The following C3orf49 variants were observed in gnomAD, a reference collection of about 807,000 sequenced individuals.
C3orf49 encodes chromosome 3 open reading frame 49.
C3orf49 carries 27 observed loss-of-function variants against 13.3 expected under a neutral mutation model. That is an observed-to-expected ratio of 2.02 (90% CI 1.49 to 2.79). The LOEUF is 2.79. Ranked by LOEUF, C3orf49 falls within the 30% of genes most tolerant of loss-of-function variation. The probability of loss-of-function intolerance (pLI) is 0.00; values close to 1 mark genes in which losing one functional copy is unlikely to be tolerated. For synonymous variants in C3orf49, 87 were observed against 47.6 expected (o/e 1.83, Z -3.40); for missense variants, 242 against 134.2 (o/e 1.80, Z -3.97).
At chr3:63,789,465 T>C in the C3orf49 span, among the ~76,000 whole-genome samples, 4 of 152,134 alleles carry the variant, frequency 2.6e-5, no homozygotes, top group East Asian at 3.9e-4. Flanking sequence ...GAATCTTCAT[T>C]TTGGGACTAT....
chr3:63,793,239 C>A, the C3orf49 span, among the ~76,000 whole-genome samples: 1 of 152,184 alleles, frequency 6.6e-6, no homozygotes, highest in African/African-American at 2.4e-5. Flanking sequence ...AGACTATTCA[C>A]CTCCTGCCAC....
chr3:63,812,160 A>G, the C3orf49 span, among the ~76,000 whole-genome samples: 73 of 152,292 alleles, frequency 4.8e-4, 1 homozygote, highest in East Asian at 0.011. Flanking sequence ...ATCTTCTGAT[A>G]TTCAAAATAT....
At chr3:63,847,809 TA>T (rs1450530228) in intron 6 of C3orf49, among the ~76,000 whole-genome samples, 1 of 152,190 alleles carries the variant, frequency 6.6e-6, no homozygotes, top group Non-Finnish European at 1.5e-5. Context: ...TCCAAAAGTT[TA>T]ATGAAGAAAC....
intron 5 of C3orf49, chr3:63,832,063 G>C (rs537535340): frequency 2.3e-6 from 1 of 437,138 alleles, no homozygotes. Flanking sequence ...GAGTGGTGGC[G>C]GGCGCCTCTA....
chr3:63,820,667 T>C (rs1479390772), intron 1 of C3orf49, among the ~76,000 whole-genome samples: 3 of 152,194 alleles, frequency 2.0e-5, no homozygotes, highest in Non-Finnish European at 4.4e-5. Flanking sequence ...GTAGAATCAC[T>C]TAAAAATTAA....
At position 63,819,541 on chromosome 3, in the gene C3orf49, A is replaced by C; in HGVS notation, c.70A>C (p.Arg24=). 1.4e-6 allele frequency: 1 copy of C among 703,400 alleles called. No homozygotes were observed. The allele number at this position is 703,400 out of a possible 1,614,324, so 43.6% of individuals were successfully genotyped here. ...CTACAGAAAAGTTGGACAGTGCCGAAGATTCCAGCAACTCAAGAAGAAAAA... is the reference window on the plus strand; with the variant it reads ...CTACAGAAAAGTTGGACAGTGCCGACGATTCCAGCAACTCAAGAAGAAAAA... ...IAYRKVGQCR[R]FQQLKKKNGS... The change falls in exon 1 of 7, where the codon AGA becomes CGA. Residue 24 remains arginine, a synonymous_variant. Transcript: ENST00000295896.
intron 3 of C3orf49, among the ~76,000 whole-genome samples, chr3:63,827,959 T>G (rs928971969): frequency 6.6e-6 from 1 of 152,098 alleles, no homozygotes; most frequent in Non-Finnish European, 1.5e-5. Context: ...GAGTTTGGAT[T>G]TTTATAACTG....
the C3orf49 span, among the ~76,000 whole-genome samples, chr3:63,788,627 C>T: frequency 6.6e-6 from 1 of 151,798 alleles, no homozygotes; most frequent in Non-Finnish European, 1.5e-5. Context: ...GAGGGGTAAA[C>T]CAGGAAACAA....
the C3orf49 span, among the ~76,000 whole-genome samples, chr3:63,793,334 C>A: frequency 6.6e-6 from 1 of 152,120 alleles, no homozygotes; most frequent in Non-Finnish European, 1.5e-5. Flanking sequence ...CCAGGACAAC[C>A]GCTTATCCCA....
At chr3:63,836,621 A>C (rs1701640026) in intron 5 of C3orf49, among the ~76,000 whole-genome samples, 1 of 151,986 alleles carries the variant, frequency 6.6e-6, no homozygotes, top group South Asian at 2.1e-4. Flanking sequence ...AGGTCAGCAT[A>C]AGCATAAGCA....
At chr3:63,794,021 G>A in the C3orf49 span, among the ~76,000 whole-genome samples, 6 of 152,100 alleles carry the variant, frequency 3.9e-5, no homozygotes, top group African/African-American at 1.4e-4. Flanking sequence ...CAGTGGTGGT[G>A]ACATGCACCT....
chr3:63,781,707 C>T, the C3orf49 span, among the ~76,000 whole-genome samples: 3 of 152,058 alleles, frequency 2.0e-5, no homozygotes, highest in African/African-American at 4.8e-5. Flanking sequence ...CTTTTCTACA[C>T]CTTATGGTGG....
At chr3:63,786,799 G>A in the C3orf49 span, among the ~76,000 whole-genome samples, 4 of 152,142 alleles carry the variant, frequency 2.6e-5, no homozygotes, top group African/African-American at 9.7e-5. Flanking sequence ...AATTTCAAGT[G>A]GCTTGTCCCC....
At chr3:63,802,090 C>G in the C3orf49 span, among the ~76,000 whole-genome samples, 1 of 152,136 alleles carries the variant, frequency 6.6e-6, no homozygotes, top group Non-Finnish European at 1.5e-5. Flanking sequence ...GTTCATTTTC[C>G]CAACCTGCCT....
the C3orf49 span, among the ~76,000 whole-genome samples, chr3:63,795,964 T>C: frequency 9.2e-5 from 14 of 152,142 alleles, no homozygotes; most frequent in Non-Finnish European, 1.5e-4. Flanking sequence ...AGGGCAACCA[T>C]GTTTGCAATT....
intron 5 of C3orf49, chr3:63,838,450 A>C (rs1476798478): frequency 1.9e-6 from 3 of 1,610,504 alleles, no homozygotes; most frequent in Non-Finnish European, 2.5e-6. Flanking sequence ...TTGCCCATTG[A>C]AAATTCACAT....
chr3:63,799,786 A>C, the C3orf49 span, among the ~76,000 whole-genome samples: 5 of 152,188 alleles, frequency 3.3e-5, no homozygotes, highest in Non-Finnish European at 7.4e-5. Flanking sequence ...AGTGATTTGC[A>C]GTAGTAGAGT....
At chr3:63,785,416 C>A in the C3orf49 span, among the ~76,000 whole-genome samples, 4 of 152,030 alleles carry the variant, frequency 2.6e-5, no homozygotes, top group African/African-American at 9.7e-5. Context: ...TAGGATATAT[C>A]CCATCCTCAG....
Position 63,827,743 on chromosome 3 carries a change from T to G in C3orf49, c.570+18T>G. 1.4e-6 allele frequency: 1 copy of G among 701,562 alleles called. No individual in the cohort carries two copies. The highest frequency in any genetic ancestry group is 2.6e-6 in the Non-Finnish European group (1 of 384,482). 43.5% of individuals were successfully genotyped at this position (701,562 alleles called of 1,614,324 possible). A position where few individuals can be genotyped will look rare whatever the true frequency, so the allele number is the denominator to read the frequency against. ...TGCAAAAGGTAAAACGCTAAATGAA[T>G]TTGCCTCTGAAGACTTACACATAAC... On this transcript the variant is annotated intron_variant, in intron 3 of 6. Transcript: ENST00000295896.
Sources: allele counts gnomAD v4.1 joint callset (sites outside exome capture counted in the v4.1 genomes callset), GRCh38; gene constraint gnomAD v4.1.1; transcripts MANE v1.5; gene names NCBI Gene and HGNC (gene_info 2026-07-23, HGNC 2026-07-21).